The following CCDC88C variants were observed in gnomAD, a reference collection of about 807,000 sequenced individuals.
The protein encoded by CCDC88C is coiled-coil and HOOK domain protein 88C, also known as protein Daple.
CCDC88C carries 131 observed loss-of-function variants against 198.8 expected under a neutral mutation model. The ratio of observed to expected loss-of-function variants is 0.66; its 90% confidence interval spans 0.57 to 0.76. CCDC88C has a LOEUF of 0.76. Ranked by LOEUF, CCDC88C falls within the 30% of genes least tolerant of loss-of-function variation. The pLI is 0.00. For synonymous variants in CCDC88C, 1,166 were observed against 1,114.7 expected (o/e 1.05, Z -0.92); for missense variants, 2,553 against 2,631.6 (o/e 0.97, Z 0.65).
At position 91,389,725 on chromosome 14, in the gene CCDC88C, T is replaced by TAAA. The variant is rs537888866; in HGVS notation, c.270+18931_270+18933dup. 1.6e-4 allele frequency among the ~76,000 whole-genome samples: 16 copies of TAAA among 99,310 alleles called. 1 individual carries two copies. The highest frequency in any genetic ancestry group is 4.8e-4 in the African/African-American group (13 of 26,814). 65.2% of individuals were successfully genotyped at this position (99,310 alleles called of 152,430 possible). On this transcript the variant is annotated intron_variant, in intron 3 of 29. Coordinates refer to ENST00000389857, the MANE Select transcript of CCDC88C (RefSeq NM_001080414.4). ...CAAGACCCTGGCTCTATTTAAAAAA[T>TAAA]AAAAAAAAAAAAAGAAAGAAAAAGA...
At chr14:91,287,100 C>A (rs1315126419) in intron 25 of CCDC88C, among the ~76,000 whole-genome samples, 1 of 152,176 alleles carries the variant, frequency 6.6e-6, no homozygotes, top group Non-Finnish European at 1.5e-5. Context: ...CTAACTCAGA[C>A]TGATTATAGT....
chr14:91,401,291 T>TTA (rs1886179242), intron 3 of CCDC88C, among the ~76,000 whole-genome samples: 5 of 112,388 alleles, frequency 4.4e-5, no homozygotes, highest in African/African-American at 8.9e-5. Context: ...ATTATATACA[T>TTA]TATATATTAT....
chr14:91,281,574 T>C, intron 26 of CCDC88C, 49 bp from the exon 27 acceptor site: 1 of 1,571,632 alleles, frequency 6.4e-7, no homozygotes, highest in Non-Finnish European at 8.7e-7. Context: ...ACATGCCTCA[T>C]CCACAGGGAA....
chr14:91,275,128 G>A (rs1179739913), intron 29 of CCDC88C, among the ~76,000 whole-genome samples: 2 of 152,204 alleles, frequency 1.3e-5, no homozygotes, highest in African/African-American at 4.8e-5. Flanking sequence ...GAAGTCAGGT[G>A]TGTCAGGGGT....
At chr14:91,372,557 T>C (rs1258981369) in intron 3 of CCDC88C, among the ~76,000 whole-genome samples, 2 of 78,222 alleles carry the variant, frequency 2.6e-5, no homozygotes, top group Non-Finnish European at 5.0e-5. Context: ...GGGGGAGGCG[T>C]GTGTTAGTGC....
Position 91,278,228 on chromosome 14 carries a change from G to C in CCDC88C, c.4769-17C>G, listed in dbSNP as rs1890049584. The C allele has an allele frequency of 6.3e-7, 1 of 1,577,906 alleles. No individual in the cohort carries two copies. Among genetic ancestry groups the C allele is most frequent in the South Asian group, 1.2e-5 (1 of 85,996 alleles). ...CGGAGGAGCCTGGGTGTCAGGGCAG[G>C]AGACAGAGGACCCTCATCAGTCTTG... On this transcript the variant is annotated splice_polypyrimidine_tract_variant and intron_variant, in intron 28 of 29. Transcript: ENST00000389857.
At chr14:91,409,976 G>C (rs1214209934) in intron 2 of CCDC88C, among the ~76,000 whole-genome samples, 1 of 152,162 alleles carries the variant, frequency 6.6e-6, no homozygotes, top group Non-Finnish European at 1.5e-5. Flanking sequence ...AATGCACCCT[G>C]TAAGAAATGC....
intron 3 of CCDC88C, among the ~76,000 whole-genome samples, chr14:91,374,280 CTCTCA>C (rs1286265691): frequency 1.2e-4 from 18 of 152,244 alleles, no homozygotes; most frequent in African/African-American, 4.3e-4. Flanking sequence ...TGTCTATTAC[CTCTCA>C]TCCTAACTCT....
intron 6 of CCDC88C, among the ~76,000 whole-genome samples, chr14:91,340,226 G>A (rs1049416351): frequency 5.3e-5 from 8 of 152,194 alleles, no homozygotes. Flanking sequence ...TCTGCTTTCA[G>A]AACTGGGTCA....
chr14:91,373,633 A>T (rs936212640), intron 3 of CCDC88C, among the ~76,000 whole-genome samples: 1 of 152,198 alleles, frequency 6.6e-6, no homozygotes, highest in Non-Finnish European at 1.5e-5. Flanking sequence ...CTATTCTATC[A>T]CCAAGAATGT....
At chr14:91,328,520 C>G (rs1393516578) in intron 10 of CCDC88C, among the ~76,000 whole-genome samples, 1 of 152,182 alleles carries the variant, frequency 6.6e-6, no homozygotes, top group Non-Finnish European at 1.5e-5. Flanking sequence ...CCCAGCCCAG[C>G]AAACAGCTGA....
chr14:91,343,403 C>A (rs1893387299), intron 5 of CCDC88C, among the ~76,000 whole-genome samples, 196 bp downstream of exon 5: 1 of 152,174 alleles, frequency 6.6e-6, no homozygotes, highest in African/African-American at 2.4e-5. Context: ...TCGCCTCCTG[C>A]CCAAGGTGCC....
rs183669202 is a variant in CCDC88C, at chr14:91,294,956, C to A, written c.3967-638G>T. Among the ~76,000 whole-genome samples the A allele has an allele frequency of 2.1e-3, 321 of 152,328 alleles. 3 individuals are homozygous for A. Among genetic ancestry groups the A allele is most frequent in the Admixed American group, 5.8e-3 (89 of 15,306 alleles). Reference sequence around the variant, plus strand: ...TACAGGCGTGAACCACCGCGCCTGGCCTGAAGTCTGCCAACTTCTGTTCTA... The same window carrying A: ...TACAGGCGTGAACCACCGCGCCTGGACTGAAGTCTGCCAACTTCTGTTCTA... On this transcript the variant is annotated intron_variant, in intron 22 of 29. Coordinates refer to ENST00000389857, the MANE Select transcript of CCDC88C (RefSeq NM_001080414.4).
At chr14:91,413,799 G>A (rs1460878413) in intron 2 of CCDC88C, among the ~76,000 whole-genome samples, 2 of 152,166 alleles carry the variant, frequency 1.3e-5, no homozygotes, top group East Asian at 3.8e-4. Flanking sequence ...CCTCCACAAG[G>A]CTCCCAGGTG....
intron 3 of CCDC88C, among the ~76,000 whole-genome samples, chr14:91,401,107 C>T (rs1188544768): frequency 6.6e-6 from 1 of 151,376 alleles, no homozygotes; most frequent in African/African-American, 2.4e-5. Context: ...ACGAGCCACA[C>T]TTTAGAAACA....
rs1567052434 is a variant in CCDC88C, at chr14:91,289,289, T to C, written c.4257A>G (p.Lys1419=). The C allele has an allele frequency of 1.2e-6, 2 of 1,614,050 alleles. No individual in the cohort carries two copies. Among genetic ancestry groups the C allele is most frequent in the South Asian group, 1.1e-5 (1 of 91,080 alleles). Residue 1419 remains lysine, a synonymous_variant, in exon 25 of 30, where the codon AAA becomes AAG. Transcript: ENST00000389857. ...ATTTTAAGCGTTCCCTCGAACCCTC[T>C]TTCTTTGGTTTGATGAGTTTGACTA... ...KALVKLIKPK[K]EGSRERLKST...
At chr14:91,410,398 G>A (rs1886734395) in intron 2 of CCDC88C, among the ~76,000 whole-genome samples, 1 of 152,048 alleles carries the variant, frequency 6.6e-6, no homozygotes, top group African/African-American at 2.4e-5. Context: ...CAATCTCAAT[G>A]CCATCTGGCT....
Position 91,408,772 on chromosome 14 carries a change from G to C in CCDC88C, c.162-5C>G, listed in dbSNP as rs374450336. On this transcript the variant is annotated splice_region_variant and splice_polypyrimidine_tract_variant and intron_variant, in intron 2 of 29. Transcript: ENST00000389857. The stretch of plus-strand genomic sequence containing the variant: ...TGATTTGTGGGCCTGGGATCTCTAG[G>C]GGAAGAAACACGAGAATGGAAATTG... 3 of 1,598,292 alleles carry C rather than the reference G, an allele frequency of 1.9e-6. No homozygotes were observed. Among genetic ancestry groups the C allele is most frequent in the African/African-American group, 2.7e-5 (2 of 74,616 alleles).
intron 4 of CCDC88C, among the ~76,000 whole-genome samples, chr14:91,351,308 C>T (rs1430185321): frequency 6.6e-6 from 1 of 152,192 alleles, no homozygotes; most frequent in Non-Finnish European, 1.5e-5. Context: ...GATTTGAAAA[C>T]AGCAGTGCAC....
Sources: gnomAD v4.1 joint callset for allele counts (sites outside exome capture counted in the v4.1 genomes callset) on GRCh38, gnomAD v4.1.1 for gene constraint, MANE v1.5 for transcripts, NCBI Gene and HGNC (gene_info 2026-07-23, HGNC 2026-07-21) for gene names.